Variants in CRB2 observed in about 807,000 individuals in gnomAD.
CRB2 encodes the protein protein crumbs homolog 2.
In CRB2, 85 loss-of-function variants were observed where a neutral mutation model predicts 110.9. The observed-to-expected ratio is 0.77, with a 90% CI of 0.64 to 0.92. The LOEUF (loss-of-function observed/expected upper bound fraction) is 0.92, where lower values mean the gene tolerates loss of function less well. Among genes scored for constraint, CRB2 ranks in the 40% least tolerant of loss-of-function variants. The pLI is 0.00. For synonymous variants in CRB2, 907 were observed against 831.0 expected (o/e 1.09, Z -1.57); for missense variants, 1,843 against 1,851.3 (o/e 1.00, Z 0.08).
chr9:123,359,430 GTTTTTGTTTTGTTTTTTTTTTTTTTTTT>G, intron 1 of CRB2, among the ~76,000 whole-genome samples: 1 of 98,024 alleles, frequency 1.0e-5, no homozygotes, highest in African/African-American at 4.8e-5. Context: ...GTGGTTTTTC[GTTTTTGTTTTGTTTTTTTTTTTTTTTTT>G]TTTTTTTTAA....
chr9:123,363,903 T>C (rs2041898200), intron 2 of CRB2, among the ~76,000 whole-genome samples: 1 of 152,118 alleles, frequency 6.6e-6, no homozygotes, highest in African/African-American at 2.4e-5. Context: ...AGGGCGCAGC[T>C]GGGGACAGAA....
At chr9:123,360,728 C>G (rs1039486494) in intron 1 of CRB2, among the ~76,000 whole-genome samples, 1 of 152,170 alleles carries the variant, frequency 6.6e-6, no homozygotes, top group African/African-American at 2.4e-5. Flanking sequence ...TCCAGCCTCC[C>G]TTGGGCTGTG....
intron 9 of CRB2, 66 bp from the exon 10 acceptor site, chr9:123,373,068 A>C: frequency 1.5e-6 from 2 of 1,297,656 alleles, no homozygotes; most frequent in Non-Finnish European, 2.0e-6. Flanking sequence ...CGCTGGGGGA[A>C]GTGGGGAGGT....
Position 123,377,418 on chromosome 9 carries a change from G to A in CRB2, c.*356G>A. On this transcript the variant is annotated 3_prime_UTR_variant, in exon 13 of 13. Coordinates refer to ENST00000373631, the MANE Select transcript of CRB2 (RefSeq NM_173689.7). Reference sequence around the variant, plus strand: ...CCTGTGTTAGTCTGCAGATGCTAGTGTGAGTGTGTCCTGACATGGCTCCAG... The same window carrying A: ...CCTGTGTTAGTCTGCAGATGCTAGTATGAGTGTGTCCTGACATGGCTCCAG... 4.5e-6 allele frequency: 1 copy of A among 223,412 alleles called. No individual in the cohort carries two copies. The highest frequency in any genetic ancestry group is 1.0e-4 in the East Asian group (1 of 9,700). The allele number at this position is 223,412 out of a possible 1,614,324, so 13.8% of individuals were successfully genotyped here. A position where few individuals can be genotyped will look rare whatever the true frequency, so the allele number is the denominator to read the frequency against.
At chr9:123,374,138 G>A in intron 10 of CRB2, 1 of 754,246 alleles carries the variant, frequency 1.3e-6, no homozygotes, top group Admixed American at 2.2e-5. Flanking sequence ...CAGCGCTGTG[G>A]TCTGGGGCTG....
chr9:123,372,888 G>T (rs1038723818), intron 9 of CRB2, among the ~76,000 whole-genome samples: 1 of 152,208 alleles, frequency 6.6e-6, no homozygotes, highest in African/African-American at 2.4e-5. Context: ...GACCTGGAGG[G>T]TCGCCTAGGC....
upstream of CRB2, among the ~76,000 whole-genome samples, chr9:123,355,709 A>G (rs1429832987): frequency 9.8e-6 from 1 of 101,724 alleles, no homozygotes; most frequent in Non-Finnish European, 1.9e-5. Context: ...CTCCGATGGG[A>G]GCACTGGGGA....
At chr9:123,361,879 G>A (rs924925384) in intron 1 of CRB2, among the ~76,000 whole-genome samples, 4 of 152,186 alleles carry the variant, frequency 2.6e-5, no homozygotes, top group African/African-American at 7.2e-5. Flanking sequence ...GTTCTCACCT[G>A]GGCATTGTGG....
rs972587629 is a variant in CRB2, at chr9:123,377,158, G to A, written c.*96G>A. 11 of 1,154,364 alleles carry A rather than the reference G, an allele frequency of 9.5e-6. No individual in the cohort carries two copies. Among genetic ancestry groups the A allele is most frequent in the African/African-American group, 6.2e-5 (4 of 64,098 alleles). 71.5% of individuals were successfully genotyped at this position (1,154,364 alleles called of 1,614,324 possible). ...CTTCCAGGGCTCGGGACATTGCTAC[G>A]GAAGTGTCCCCTTGGCTGGCAGCCT... On this transcript the variant is annotated 3_prime_UTR_variant, in exon 13 of 13. Transcript: ENST00000373631.
At chr9:123,362,533 G>A (rs190096434) in intron 1 of CRB2, among the ~76,000 whole-genome samples, 228 of 152,270 alleles carry the variant, frequency 1.5e-3, no homozygotes, top group African/African-American at 5.2e-3. Flanking sequence ...TGGGCATGAC[G>A]GATACTGCCT....
intron 5 of CRB2, 64 bp downstream of exon 5, chr9:123,367,421 A>ACCCCCCCCCCCCCCCCCCCCCCC: frequency 3.3e-6 from 2 of 600,938 alleles, no homozygotes; most frequent in Non-Finnish European, 2.2e-6. Flanking sequence ...TCTTGTGCCC[A>ACCCCCCCCCCCCCCCCCCCCCCC]CCCCCCCACC....
chr9:123,365,854 C>T (rs1034270544), intron 2 of CRB2, 63 bp from the exon 3 acceptor site: 12 of 1,416,816 alleles, frequency 8.5e-6, no homozygotes, highest in East Asian at 5.4e-5. Flanking sequence ...AGGCCTGGCG[C>T]GACCTCTTCC....
chr9:123,365,831 C>T (rs563731524), intron 2 of CRB2, 86 bp from the exon 3 acceptor site: 3 of 1,232,430 alleles, frequency 2.4e-6, no homozygotes, highest in African/African-American at 1.6e-5. Context: ...CCACGAGTCT[C>T]TAACTCTGGA....
rs769836587 is a variant in CRB2 at position 123,373,163 on chromosome 9, C to T, written c.2632C>T (p.Pro878Ser). 5 of 1,512,702 alleles carry T rather than the reference C, an allele frequency of 3.3e-6. No homozygotes were observed. The highest frequency in any genetic ancestry group is 5.4e-5 in the East Asian group (2 of 37,034). 93.7% of individuals were successfully genotyped at this position (1,512,702 alleles called of 1,614,324 possible). A position where few individuals can be genotyped will look rare whatever the true frequency, so the allele number is the denominator to read the frequency against. The change falls in exon 10 of 13, where the codon CCC becomes TCC. Residue 878 changes from proline (P) to serine (S), a missense_variant. Coordinates refer to ENST00000373631, the MANE Select transcript of CRB2 (RefSeq NM_173689.7). The part of the protein sequence containing the change: ...CVAEATFREG[P>S]PAAFSGHNAS... ...GGCGGAGGCCACGTTCCGCGAGGGT[C>T]CCCCCGCCGCGTTCAGCGGGCACAA...
In CRB2 at chr9:123,373,324, G is replaced by C; in HGVS notation, c.2793G>C (p.Gly931=). Residue 931 remains glycine (G), a synonymous_variant, in exon 10 of 13, where the codon GGG becomes GGC. Coordinates refer to ENST00000373631, the MANE Select transcript of CRB2 (RefSeq NM_173689.7). The stretch of plus-strand genomic sequence containing the variant: ...CGGTGCGCAATGGCTCGCTGGCGGG[G>C]GGCGTGCGCGGAGGCCATGGCCTGC... ...WLAVRNGSLA[G]GVRGGHGLPG... is the part of the protein sequence containing the mutation. 6.9e-7 allele frequency: 1 copy of C among 1,446,860 alleles called. No individual in the cohort carries two copies. Among genetic ancestry groups the C allele is most frequent in the Non-Finnish European group, 9.0e-7 (1 of 1,108,982 alleles). The allele number at this position is 1,446,860 out of a possible 1,614,324, so 89.6% of individuals were successfully genotyped here.
At chr9:123,366,630 A>G in intron 4 of CRB2, among the ~76,000 whole-genome samples, 1 of 152,188 alleles carries the variant, frequency 6.6e-6, no homozygotes, top group East Asian at 1.9e-4. Flanking sequence ...TGACAGCTGC[A>G]AAGGGCTCAG....
intron 1 of CRB2, among the ~76,000 whole-genome samples, chr9:123,362,240 G>A (rs1326129545): frequency 1.3e-5 from 2 of 152,148 alleles, no homozygotes; most frequent in Non-Finnish European, 2.9e-5. Flanking sequence ...TCCTCCAGAG[G>A]TTGAGGTCGG....
rs1475413792 is a variant in CRB2, at chr9:123,365,277, CAAA to C, written c.419-637_419-635del. Among the ~76,000 whole-genome samples, 4 of 151,978 alleles carry C rather than the reference CAAA, an allele frequency of 2.6e-5. No individual in the cohort carries two copies. The East Asian group carries it at 5.8e-4, about 22-fold the overall frequency. On this transcript the variant is annotated intron_variant, in intron 2 of 12. Coordinates refer to ENST00000373631, the MANE Select transcript of CRB2 (RefSeq NM_173689.7). The stretch of plus-strand genomic sequence containing the variant: ...GACTCTGTCTCAAAAAAATAAAAAA[CAAA>C]AACAAACCCAAAACAACTAACTAAA...
intron 1 of CRB2, among the ~76,000 whole-genome samples, chr9:123,356,807 A>G (rs2041805866): frequency 6.6e-6 from 1 of 151,440 alleles, no homozygotes; most frequent in African/African-American, 2.4e-5. Flanking sequence ...TGGGTGTGTT[A>G]GAGTTGGGAG....
Sources: gnomAD v4.1 joint callset for allele counts (sites outside exome capture counted in the v4.1 genomes callset) on GRCh38, gnomAD v4.1.1 for gene constraint, MANE v1.5 for transcripts, NCBI Gene and HGNC (gene_info 2026-07-23, HGNC 2026-07-21) for gene names.